The following NRG1 variants were observed in gnomAD, a reference collection of about 807,000 sequenced individuals.
NRG1 encodes pro-neuregulin-1, membrane-bound isoform.
In NRG1, 18 loss-of-function variants were observed where a neutral mutation model predicts 63.8. The observed-to-expected ratio is 0.28, with a 90% CI of 0.19 to 0.42. NRG1 has a LOEUF of 0.42. Ranked by LOEUF, NRG1 falls within the 10% of genes least tolerant of loss-of-function variation. NRG1 has a pLI of 1.00. For missense variants in NRG1, 762 were observed against 814.7 expected (o/e 0.94, Z 0.79); for synonymous variants, 302 against 301.3 (o/e 1.00, Z -0.02).
intron 1 of NRG1, among the ~76,000 whole-genome samples, chr8:32,117,252 A>T (rs1585409582): frequency 6.6e-6 from 1 of 152,258 alleles, no homozygotes; most frequent in South Asian, 2.1e-4. Flanking sequence ...TTTCAAAGGG[A>T]GATATGTAGT....
At chr8:32,067,823 G>A (rs987173002) in intron 1 of NRG1, among the ~76,000 whole-genome samples, 5 of 151,454 alleles carry the variant, frequency 3.3e-5, no homozygotes, top group Non-Finnish European at 7.4e-5. Flanking sequence ...TCATATACTG[G>A]TTAATTGGCT....
intron 1 of NRG1, among the ~76,000 whole-genome samples, chr8:32,141,542 G>A (rs112792379): frequency 3.5e-5 from 5 of 143,250 alleles, no homozygotes; most frequent in African/African-American, 1.1e-4. Context: ...GTGTGTGTGT[G>A]TGTATATATA....
At chr8:31,827,983 C>T (rs971081537) in intron 1 of NRG1, among the ~76,000 whole-genome samples, 2 of 152,146 alleles carry the variant, frequency 1.3e-5, no homozygotes, top group African/African-American at 4.8e-5. Context: ...CTGTGGCCAG[C>T]AGGAAATTTA....
intron 1 of NRG1, among the ~76,000 whole-genome samples, chr8:31,740,161 G>T (rs532369691): frequency 4.2e-4 from 64 of 152,122 alleles, no homozygotes; most frequent in African/African-American, 1.5e-3. Flanking sequence ...GCAATGCAAA[G>T]ACTTTTACTA....
intron 1 of NRG1, among the ~76,000 whole-genome samples, chr8:31,761,276 G>A (rs931389969): frequency 9.2e-5 from 14 of 152,048 alleles, no homozygotes; most frequent in African/African-American, 3.4e-4. Flanking sequence ...CACAGGAAGG[G>A]GAACATCACA....
chr8:32,284,973 T>C (rs971591066), intron 1 of NRG1, among the ~76,000 whole-genome samples: 3 of 152,190 alleles, frequency 2.0e-5, no homozygotes, highest in African/African-American at 2.4e-5. Flanking sequence ...GTGGATAACA[T>C]TTTCCTTTGC....
At chr8:31,771,080 C>T (rs552747457) in intron 1 of NRG1, among the ~76,000 whole-genome samples, 10 of 152,076 alleles carry the variant, frequency 6.6e-5, no homozygotes, top group African/African-American at 9.6e-5. Flanking sequence ...TTTGTGTAAC[C>T]ACCACTACAA....
chr8:32,079,442 C>A (rs147180680), intron 1 of NRG1, among the ~76,000 whole-genome samples: 30 of 152,144 alleles, frequency 2.0e-4, no homozygotes, highest in African/African-American at 2.9e-4. Context: ...ATGGTATTAT[C>A]CCAACTTACA....
intron 1 of NRG1, among the ~76,000 whole-genome samples, chr8:32,121,773 T>C (rs754537339): frequency 3.9e-5 from 6 of 151,956 alleles, no homozygotes; most frequent in Non-Finnish European, 8.8e-5. Context: ...CAGCCCACAT[T>C]TGAGGCCCCA....
At chr8:32,725,482 T>TTTTTTTTG (rs1821883782) in intron 5 of NRG1, among the ~76,000 whole-genome samples, 1 of 137,288 alleles carries the variant, frequency 7.3e-6, no homozygotes, top group African/African-American at 2.7e-5. Flanking sequence ...TTTTTTTTTT[T>TTTTTTTTG]TTTTTTTTTT....
intron 6 of NRG1, among the ~76,000 whole-genome samples, chr8:32,741,768 A>T (rs1379141182): frequency 6.6e-6 from 1 of 152,118 alleles, no homozygotes. Context: ...TTTCAACTTC[A>T]CTCTAGTTAA....
At chr8:31,651,902 T>C (rs1347168293) in intron 1 of NRG1, among the ~76,000 whole-genome samples, 2 of 152,168 alleles carry the variant, frequency 1.3e-5, no homozygotes, top group African/African-American at 4.8e-5. Flanking sequence ...CAGACCTTTC[T>C]TTTTGGCTCT....
intron 1 of NRG1, among the ~76,000 whole-genome samples, chr8:32,104,970 G>T (rs1831073370): frequency 6.6e-6 from 1 of 151,608 alleles, no homozygotes; most frequent in Admixed American, 6.6e-5. Context: ...CAATAAAAGT[G>T]CAGTATAGTA....
intron 1 of NRG1, among the ~76,000 whole-genome samples, chr8:31,654,909 C>G (rs1805278277): frequency 6.6e-6 from 1 of 152,118 alleles, no homozygotes; most frequent in Non-Finnish European, 1.5e-5. Flanking sequence ...TCACTGCACT[C>G]TAGCCTGGGT....
intron 1 of NRG1, among the ~76,000 whole-genome samples, chr8:32,181,331 T>C (rs765669061): frequency 2.0e-5 from 3 of 152,360 alleles, no homozygotes; most frequent in Non-Finnish European, 4.4e-5. Flanking sequence ...CTTCTTCCTA[T>C]AGTTTCATTC....
intron 1 of NRG1, among the ~76,000 whole-genome samples, chr8:32,056,052 C>T (rs1211662790): frequency 6.6e-6 from 1 of 152,088 alleles, no homozygotes; most frequent in Admixed American, 6.6e-5. Flanking sequence ...TTCACAGACT[C>T]CTCTCCCCAT....
In NRG1 at chr8:32,673,916, A is replaced by C. The variant is rs540694813; in HGVS notation, c.503-54033A>C. Among the ~76,000 whole-genome samples the C allele has an allele frequency of 6.1e-4, 93 of 152,300 alleles. No individual in the cohort carries two copies. The South Asian group carries it at 0.019, about 31-fold the overall frequency. On this transcript the variant is annotated intron_variant, in intron 5 of 11. Transcript: ENST00000356819. ...AATTTAAGGTTCTTCATGTGGCTGGAAAAATGCCACAACATGACTTTTATC... is the reference window on the plus strand; with the variant it reads ...AATTTAAGGTTCTTCATGTGGCTGGCAAAATGCCACAACATGACTTTTATC...
chr8:32,592,874 A>G (rs559949833), intron 1 of NRG1, among the ~76,000 whole-genome samples: 1 of 152,300 alleles, frequency 6.6e-6, no homozygotes, highest in East Asian at 1.9e-4. Context: ...ACTCCCCCCA[A>G]ACCTAACTAC....
Position 32,465,053 on chromosome 8 carries a change from T to C in NRG1, c.38-130775T>C, listed in dbSNP as rs533283561. Among the ~76,000 whole-genome samples the C allele has an allele frequency of 2.0e-5, 3 of 152,286 alleles. No homozygotes were observed. The East Asian group carries it at 5.8e-4, about 29-fold the overall frequency. On this transcript the variant is annotated intron_variant, in intron 1 of 10. Transcript: ENST00000519301. ...AGCTGGGTTTGGTGGTGTGTGCCTG[T>C]AGTCCCAGCTACCCAGGAGGCTGAA...
Sources: allele counts gnomAD v4.1 joint callset (sites outside exome capture counted in the v4.1 genomes callset), GRCh38; gene constraint gnomAD v4.1.1; transcripts MANE v1.5; gene names NCBI Gene and HGNC (gene_info 2026-07-23, HGNC 2026-07-21).